The following NCOR1 variants were observed in gnomAD, a reference collection of about 807,000 sequenced individuals.
NCOR1 encodes the protein protein phosphatase 1, regulatory subunit 109.
Under a neutral mutation model 288.1 loss-of-function variants are expected in NCOR1, and 63 were observed. That is an observed-to-expected ratio of 0.22 (90% confidence interval 0.18 to 0.27). NCOR1 has a LOEUF of 0.27. Ranked by LOEUF, NCOR1 falls within the 10% of genes least tolerant of loss-of-function variation. NCOR1 has a pLI of 1.00. For synonymous variants in NCOR1, 1,007 were observed against 1,065.9 expected (o/e 0.94, Z 1.08); for missense variants, 2,397 against 3,019.2 (o/e 0.79, Z 4.83).
rs1440106574 is a variant in NCOR1, at chr17:16,040,453, C to T, written c.6721G>A (p.Val2241Ile). Residue 2241 changes from valine (V) to isoleucine (I), a missense_variant, in exon 43 of 46, where the codon GTT (valine) becomes ATT (isoleucine). Transcript: ENST00000268712. ...PGTEIFNLPA[V>I]TTSGSVSSRG... ...TTTTCAATCTTACCTGACGTAGTAA[C>T]TGCTGGCAGATTAAAGATCTCAGTT... The T allele has an allele frequency of 6.2e-7, 1 of 1,613,634 alleles. No individual in the cohort carries two copies. The highest frequency in any genetic ancestry group is 8.5e-7 in the Non-Finnish European group (1 of 1,179,894).
At chr17:16,092,674 TATATATATATATATATA>T (rs1567958257) in intron 21 of NCOR1, among the ~76,000 whole-genome samples, 31 of 18,452 alleles carry the variant, frequency 1.7e-3, no homozygotes, top group East Asian at 6.0e-3. Flanking sequence ...TATATATATA[TATATATATATATATATA>T]TATATTTTTT....
chr17:16,041,937 C>T (rs927717917), intron 42 of NCOR1, among the ~76,000 whole-genome samples: 3 of 152,074 alleles, frequency 2.0e-5, no homozygotes, highest in Non-Finnish European at 2.9e-5. Flanking sequence ...GGGATTTCAC[C>T]GTGTTAGCCA....
intron 19 of NCOR1, among the ~76,000 whole-genome samples, chr17:16,103,999 C>T (rs919449674): frequency 2.6e-5 from 4 of 152,084 alleles, no homozygotes; most frequent in Non-Finnish European, 5.9e-5. Flanking sequence ...AAACTCTGTA[C>T]CCCCACCCCC....
At chr17:16,205,949 AAAAAG>A (rs992999515) in intron 1 of NCOR1, among the ~76,000 whole-genome samples, 1 of 151,932 alleles carries the variant, frequency 6.6e-6, no homozygotes, top group African/African-American at 2.4e-5. Context: ...AAAAAAAAAA[AAAAAG>A]AAAGAAAGAA....
Position 16,062,215 on chromosome 17 carries a change from A to C in NCOR1, c.5277T>G (p.Pro1759=). 1 of 1,613,906 alleles carries C rather than the reference A, an allele frequency of 6.2e-7. No individual in the cohort carries two copies. Residue 1759 remains proline (P), a synonymous_variant, in exon 36 of 46, where the codon CCT becomes CCG. Transcript: ENST00000268712. The part of the protein sequence containing the change: ...GSHGYVRSPS[P]SVRTQETMLQ... The stretch of plus-strand genomic sequence containing the variant: ...ACATGGTCTCCTGAGTTCTTACTGA[A>C]GGGGAAGGGGAGCGAACATATCCAT...
intron 3 of NCOR1, among the ~76,000 whole-genome samples, chr17:16,184,588 AAAG>A (rs2086212256): frequency 6.6e-6 from 1 of 152,204 alleles, no homozygotes; most frequent in South Asian, 2.1e-4. Context: ...GGCATGAAGA[AAAG>A]AGAACTCTTG....
In NCOR1 at chr17:16,101,438, A is replaced by C; in HGVS notation, c.2502T>G (p.Ser834=). 6.2e-7 allele frequency: 1 copy of C among 1,614,110 alleles called. No homozygotes were observed. The highest frequency in any genetic ancestry group is 8.5e-7 in the Non-Finnish European group (1 of 1,180,024). The change falls in exon 20 of 46, where the codon TCT becomes TCG. Residue 834 remains serine (S), a synonymous_variant. Transcript: ENST00000268712. ...CTTTGGTATTATCACCTTCAACTTT[A>C]GATGCATGGTTTTCTGGCACCCTCA... The part of the protein sequence containing the change: ...VEVRVPENHA[S]KVEGDNTKER...
chr17:16,086,321 T>C lies in NCOR1; in HGVS notation c.3138A>G (p.Ser1046=), dbSNP rs2064223276. Residue 1046 remains serine, a synonymous_variant, in exon 23 of 46, where the codon TCA becomes TCG. Transcript: ENST00000268712. ...LIPSSKTTVA[S]EKPSFIMGGS... ...CTCCCATTATAAAAGATGGTTTTTC[T>C]GAAGCCACTGTGGTTTTGGATGACG... is the stretch of plus-strand genomic sequence containing the variant. 3.7e-6 allele frequency: 6 copies of C among 1,614,146 alleles called. No homozygotes were observed. In the East Asian group the frequency reaches 1.3e-4, roughly 36 times the overall value.
chr17:16,132,912 C>T (rs891396623), intron 14 of NCOR1, among the ~76,000 whole-genome samples: 1 of 150,570 alleles, frequency 6.6e-6, no homozygotes, highest in Non-Finnish European at 1.5e-5. Context: ...TTCCCTCCCT[C>T]CCTTCCTTCT....
chr17:16,095,522 C>A (rs1342398574), intron 21 of NCOR1, among the ~76,000 whole-genome samples: 1 of 137,582 alleles, frequency 7.3e-6, no homozygotes, highest in African/African-American at 2.7e-5. Flanking sequence ...CCAGCCGCCC[C>A]ATCCGGGAGG....
chr17:16,055,735 T>A (rs187037314), intron 40 of NCOR1, among the ~76,000 whole-genome samples: 3 of 152,222 alleles, frequency 2.0e-5, no homozygotes, highest in Non-Finnish European at 4.4e-5. Flanking sequence ...ACACCACAGA[T>A]TGTGCAAACA....
rs1167035724 is a variant in NCOR1, at chr17:16,126,087, G to A, written c.1629C>T (p.Asp543=). The A allele has an allele frequency of 9.4e-6, 12 of 1,275,716 alleles. No individual in the cohort carries two copies. The highest frequency in any genetic ancestry group is 2.6e-4 in the Middle Eastern group (1 of 3,880). 79.0% of individuals were successfully genotyped at this position (1,275,716 alleles called of 1,614,324 possible). The change falls in exon 15 of 46, where the codon GAC becomes GAT. Residue 543 remains aspartate, a synonymous_variant. Transcript: ENST00000268712. ...KDEEEKDEKE[D]SKENTKEKDK... is the part of the protein sequence containing the mutation. Reference sequence around the variant, plus strand: ...TAACTAATTATTTAACTCACTTGGAGTCTTCTTTTTCATCTTTTTCCTCTT... The same window carrying A: ...TAACTAATTATTTAACTCACTTGGAATCTTCTTTTTCATCTTTTTCCTCTT...
At chr17:16,053,945 A>T (rs2059605263) in intron 40 of NCOR1, among the ~76,000 whole-genome samples, 1 of 152,022 alleles carries the variant, frequency 6.6e-6, no homozygotes, top group African/African-American at 2.4e-5. Context: ...GCAATGAGGA[A>T]AGAATTCCCT....
At position 16,046,957 on chromosome 17, in the gene NCOR1, C is replaced by A; in HGVS notation, c.6673G>T (p.Asp2225Tyr). Reference protein sequence around the residue: ...KLNSSGGGDSDMAAAQPGTEI... With the variant: ...KLNSSGGGDSYMAAAQPGTEI... ...TGAAAGAAATCCCACTTACCCATAT[C>A]AGAGTCACCTCCACCAGAGGAGTTC... The change falls in exon 42 of 46, where the codon GAT becomes TAT. Residue 2225 changes from aspartate (D) to tyrosine (Y), a missense_variant. This residue lies in a region of NCOR1 where 1,872 missense variants were observed against 2,187.8 expected (regional missense o/e 0.86). Transcript: ENST00000268712. The A allele has an allele frequency of 6.2e-7, 1 of 1,613,770 alleles. No individual in the cohort carries two copies. The highest frequency in any genetic ancestry group is 8.5e-7 in the Non-Finnish European group (1 of 1,179,838).
At position 16,032,043 on chromosome 17, in the gene NCOR1, T is replaced by A; in HGVS notation, c.*253A>T. On this transcript the variant is annotated 3_prime_UTR_variant, in exon 46 of 46. Transcript: ENST00000268712. ...CAGCAACTGTTCACTTTTTAAAAACTCTACATCTCAACCCTCCACTATTAT... is the reference window on the plus strand; with the variant it reads ...CAGCAACTGTTCACTTTTTAAAAACACTACATCTCAACCCTCCACTATTAT... 9.0e-6 allele frequency: 4 copies of A among 443,394 alleles called. No individual in the cohort carries two copies. The South Asian group carries it at 1.3e-4, about 15-fold the overall frequency. 27.5% of individuals were successfully genotyped at this position (443,394 alleles called of 1,614,324 possible). A position where few individuals can be genotyped will look rare whatever the true frequency, so the allele number is the denominator to read the frequency against.
chr17:16,192,708 G>C (rs2088745847), intron 2 of NCOR1, among the ~76,000 whole-genome samples: 1 of 151,714 alleles, frequency 6.6e-6, no homozygotes, highest in African/African-American at 2.4e-5. Flanking sequence ...GCTCTCCAAA[G>C]GATGCTGTTA....
chr17:16,179,259 TAAATA>T (rs915691379), intron 3 of NCOR1, among the ~76,000 whole-genome samples: 4 of 152,132 alleles, frequency 2.6e-5, no homozygotes, highest in Admixed American at 6.5e-5. Flanking sequence ...AGAATTCATA[TAAATA>T]AAATAAAAAT....
intron 1 of NCOR1, among the ~76,000 whole-genome samples, chr17:16,202,811 A>ACT (rs963555391): frequency 1.3e-5 from 2 of 151,900 alleles, no homozygotes; most frequent in African/African-American, 2.4e-5. Flanking sequence ...TTATGAACAG[A>ACT]CTCTGTTTTT....
rs764442646 is a variant in NCOR1 at position 16,101,366 on chromosome 17, T to C, written c.2574A>G (p.Glu858=). ...RASEKVEPRD[E]DLVVAQQINA... is the part of the protein sequence containing the mutation. ...TTATTTGCTGAGCTACCACCAAATCTTCATCTCTAGGTTCCACCTTCTCAC... is the reference window on the plus strand; with the variant it reads ...TTATTTGCTGAGCTACCACCAAATCCTCATCTCTAGGTTCCACCTTCTCAC... Residue 858 remains glutamate, a synonymous_variant, in exon 20 of 46, where the codon GAA becomes GAG. Transcript: ENST00000268712. The C allele has an allele frequency of 3.1e-6, 5 of 1,614,188 alleles. No homozygotes were observed. In the South Asian group the frequency reaches 4.4e-5, roughly 14 times the overall value.
Sources: allele counts gnomAD v4.1 joint callset (sites outside exome capture counted in the v4.1 genomes callset), GRCh38; gene constraint gnomAD v4.1.1; regional missense constraint gnomAD v4.1.1; transcripts MANE v1.5; gene names NCBI Gene and HGNC (gene_info 2026-07-23, HGNC 2026-07-21).